Variants in AP5M1 observed in about 807,000 individuals in gnomAD.
AP5M1 encodes the protein adaptor related protein complex 5 subunit mu 1, also known as AP-5 complex subunit mu-1.
In AP5M1, 44 loss-of-function variants were observed where a neutral mutation model predicts 52.3. The ratio of observed to expected loss-of-function variants is 0.84; its 90% CI spans 0.66 to 1.08. The LOEUF (loss-of-function observed/expected upper bound fraction) is 1.08. Among genes scored for constraint, AP5M1 ranks in the 50% least tolerant of loss-of-function variants. AP5M1 has a pLI of 0.00. For synonymous variants in AP5M1, 213 were observed against 199.0 expected, an observed-to-expected ratio of 1.07 and a Z score of -0.59; for missense variants, 526 against 568.4, an observed-to-expected ratio of 0.93 and a Z score of 0.76.
rs1885438238 is a variant in AP5M1 at position 57,291,665 on chromosome 14, A to AT, written c.*2788dup. On this transcript the variant is annotated 3_prime_UTR_variant, in exon 8 of 8. Transcript: ENST00000261558. ...TAGTCTGTCCCATAAAATCGTTTTC[A>AT]TTTTTTTCACACCAATTCAGTATTT... 6.6e-6 allele frequency: 1 copy of AT among 151,586 alleles called. No individual in the cohort carries two copies. Among genetic ancestry groups the AT allele is most frequent in the African/African-American group, 2.4e-5 (1 of 41,298 alleles). 9.4% of individuals were successfully genotyped at this position (151,586 alleles called of 1,614,324 possible).
Position 57,280,396 on chromosome 14 carries a change from T to C in AP5M1, c.922T>C (p.Phe308Leu), listed in dbSNP as rs151033882. ...KFPFTPPLES[F>L]NLCFYTSQVP... ...TCCATTCACTCCACCTTTAGAGTCATTCAACTTATGCTTCTACACTTCCCA... is the reference window on the plus strand; with the variant it reads ...TCCATTCACTCCACCTTTAGAGTCACTCAACTTATGCTTCTACACTTCCCA... The change falls in exon 3 of 8, where the codon TTC (phenylalanine) becomes CTC (leucine). Residue 308 changes from phenylalanine (F) to leucine (L), a missense_variant. Phe to Leu is a conservative substitution (Grantham distance 22, BLOSUM62 0). This residue lies in a region of AP5M1 where 425 missense variants were observed against 430.6 expected (regional missense o/e 0.99). Coordinates refer to ENST00000261558, the MANE Select transcript of AP5M1 (RefSeq NM_018229.4). 1.8e-5 allele frequency: 29 copies of C among 1,613,034 alleles called. No homozygotes were observed. The highest frequency in any genetic ancestry group is 5.0e-5 in the Admixed American group (3 of 60,034).
Position 57,274,257 on chromosome 14 carries a change from G to A in AP5M1, c.88G>A (p.Val30Ile), listed in dbSNP as rs754902688. The A allele has an allele frequency of 5.0e-6, 8 of 1,609,964 alleles. No individual in the cohort carries two copies. The South Asian group carries it at 7.7e-5, about 16-fold the overall frequency. The change falls in exon 2 of 8, where the codon GTT becomes ATT. Residue 30 changes from valine (V) to isoleucine (I), a missense_variant. Coordinates refer to ENST00000261558, the MANE Select transcript of AP5M1 (RefSeq NM_018229.4). ...TCCGTAATGCAGACGGTATCCAACT[G>A]TTGAAAAACGAGCCAGAGTCTTCAA... is the stretch of plus-strand genomic sequence containing the variant. ...TVRFSRRYPT[V>I]EKRARVFNGA... is the part of the protein sequence containing the mutation.
At position 57,292,130 on chromosome 14, in the gene AP5M1, G is replaced by A. The variant is rs572444586; in HGVS notation, c.*3246G>A. ...TATCAGATTAGAAACCATTGTACCA[G>A]GCTGCTGAAAGGAAAAGGAGGCAAA... is the stretch of plus-strand genomic sequence containing the variant. On this transcript the variant is annotated 3_prime_UTR_variant, in exon 8 of 8. Transcript: ENST00000261558. The A allele has an allele frequency of 2.0e-5, 3 of 151,916 alleles. No homozygotes were observed. The highest frequency in any genetic ancestry group is 6.6e-5 in the Admixed American group (1 of 15,222). 9.4% of individuals were successfully genotyped at this position (151,916 alleles called of 1,614,324 possible). A position where few individuals can be genotyped will look rare whatever the true frequency, so the allele number is the denominator to read the frequency against.
rs2092675268 is a variant in AP5M1 at position 57,282,978 on chromosome 14, T to G, written c.1133T>G (p.Leu378Arg). 6.2e-7 allele frequency: 1 copy of G among 1,601,828 alleles called. No individual in the cohort carries two copies. The highest frequency in any genetic ancestry group is 8.5e-7 in the Non-Finnish European group (1 of 1,173,074). ...HLEYKTSFGQ[L>R]EVFREKSLLI... ...GAATACAAAACTAGTTTTGGCCAGC[T>G]TGAAGTATTTCGAGAGAAAAGCTTA... The change falls in exon 5 of 8, where the codon CTT becomes CGT. Residue 378 changes from leucine (L) to arginine (R), a missense_variant. Leu to Arg is a moderately radical substitution (Grantham distance 102, BLOSUM62 -2). Around this residue, in one of 3 missense-constraint regions of AP5M1, gnomAD observed 4 missense variants for 16.5 expected, o/e 0.24. Coordinates refer to ENST00000261558, the MANE Select transcript of AP5M1 (RefSeq NM_018229.4).
In AP5M1 at chr14:57,282,990, G is replaced by A. The variant is rs376910161; in HGVS notation, c.1145G>A (p.Arg382Gln). ...KTSFGQLEVFREKSLLIWIIG... is the reference protein window; with the variant it reads ...KTSFGQLEVFQEKSLLIWIIG... Reference sequence around the variant, plus strand: ...AGTTTTGGCCAGCTTGAAGTATTTCGAGAGAAAAGCTTATTGATCTGGATT... The same window carrying A: ...AGTTTTGGCCAGCTTGAAGTATTTCAAGAGAAAAGCTTATTGATCTGGATT... The change falls in exon 5 of 8, where the codon CGA (arginine) becomes CAA (glutamine). Residue 382 changes from arginine to glutamine, a missense_variant. Around this residue, in one of 3 missense-constraint regions of AP5M1, gnomAD observed 4 missense variants for 16.5 expected, o/e 0.24. Coordinates refer to ENST00000261558, the MANE Select transcript of AP5M1 (RefSeq NM_018229.4). The A allele has an allele frequency of 2.1e-5, 34 of 1,598,724 alleles. No individual in the cohort carries two copies. In the East Asian group the frequency reaches 2.7e-4, roughly 13 times the overall value.
At position 57,292,660 on chromosome 14, in the gene AP5M1, A is replaced by G. The variant is rs1422623638; in HGVS notation, c.*3776A>G. 1 of 151,798 alleles carries G rather than the reference A, an allele frequency of 6.6e-6. No homozygotes were observed. Among genetic ancestry groups the G allele is most frequent in the African/African-American group, 2.4e-5 (1 of 41,408 alleles). The allele number at this position is 151,798 out of a possible 1,614,324, so 9.4% of individuals were successfully genotyped here. A position where few individuals can be genotyped will look rare whatever the true frequency, so the allele number is the denominator to read the frequency against. ...CTAGTTTTGTTTCATGCACTAGGGT[A>G]TACTTAACTGGCCTTGACATAACCA... On this transcript the variant is annotated 3_prime_UTR_variant, in exon 8 of 8. Coordinates refer to ENST00000261558, the MANE Select transcript of AP5M1 (RefSeq NM_018229.4).
rs1485777337 is a variant in AP5M1, at chr14:57,292,183, C to CTT, written c.*3302_*3303dup. ...GCTAAACATGGGATGAATTCTGAAC[C>CTT]TTTTAACCTGGCTGAAGTACGTTGG... On this transcript the variant is annotated 3_prime_UTR_variant, in exon 8 of 8. Coordinates refer to ENST00000261558, the MANE Select transcript of AP5M1 (RefSeq NM_018229.4). 6.6e-6 allele frequency: 1 copy of CTT among 151,824 alleles called. No homozygotes were observed. Among genetic ancestry groups the CTT allele is most frequent in the Non-Finnish European group, 1.5e-5 (1 of 67,840 alleles). The allele number at this position is 151,824 out of a possible 1,614,324, so 9.4% of individuals were successfully genotyped here.
Position 57,269,155 on chromosome 14 carries a change from T to C in AP5M1, c.-160T>C, listed in dbSNP as rs1262090372. ...AGAGCGACTCAGAAGCGTTAGTGAC[T>C]TCACCTAAAAAAGCTAACCTCTCTG... On this transcript the variant is annotated 5_prime_UTR_variant, in exon 1 of 8. Transcript: ENST00000261558. The C allele has an allele frequency of 1.5e-6, 1 of 650,482 alleles. No individual in the cohort carries two copies. Among genetic ancestry groups the C allele is most frequent in the East Asian group, 2.7e-5 (1 of 37,410 alleles). The allele number at this position is 650,482 out of a possible 1,614,324, so 40.3% of individuals were successfully genotyped here.
In AP5M1 at chr14:57,282,128, G is replaced by C; in HGVS notation, c.988G>C (p.Glu330Gln). 1 of 1,576,110 alleles carries C rather than the reference G, an allele frequency of 6.3e-7. No homozygotes were observed. The highest frequency in any genetic ancestry group is 2.3e-5 in the East Asian group (1 of 42,938). The change falls in exon 4 of 8, where the codon GAG (glutamate) becomes CAG (glutamine). Residue 330 changes from glutamate (E) to glutamine (Q), a missense_variant. Glu to Gln is a conservative substitution (Grantham distance 29, BLOSUM62 2). This residue lies in a region of AP5M1 where 425 missense variants were observed against 430.6 expected (regional missense o/e 0.99). Coordinates refer to ENST00000261558, the MANE Select transcript of AP5M1 (RefSeq NM_018229.4). ...PPILGFYQMK[E>Q]EEVQLRITIN... The stretch of plus-strand genomic sequence containing the variant: ...AATTTTGGGTTTTTATCAAATGAAG[G>C]AGGAAGAAGTACAACTAAGAATAAC...
intron 1 of AP5M1, among the ~76,000 whole-genome samples, chr14:57,273,157 C>T (rs548218758): frequency 1.2e-4 from 19 of 152,274 alleles, no homozygotes; most frequent in South Asian, 6.2e-4. Context: ...CCAGGCTGGT[C>T]TCAAACTCCT....
chr14:57,271,742 A>C (rs1289290206), intron 1 of AP5M1, among the ~76,000 whole-genome samples: 2 of 152,218 alleles, frequency 1.3e-5, no homozygotes, highest in East Asian at 3.8e-4. Flanking sequence ...CATATTTCCC[A>C]AAAATATCTT....
intron 3 of AP5M1, 24 bp from the exon 4 acceptor site, chr14:57,282,065 A>G (rs1457071921): frequency 1.3e-6 from 2 of 1,539,302 alleles, no homozygotes; most frequent in Non-Finnish European, 8.7e-7. Context: ...TGAGAATTAT[A>G]TAGACATTTA....
chr14:57,276,609 GT>G (rs34911527), intron 2 of AP5M1, among the ~76,000 whole-genome samples: 32,637 of 128,320 alleles, frequency 0.25, 8,251 homozygotes, highest in African/African-American at 0.67. Context: ...CACCAATTCT[GT>G]TTTTTTTTTT....
intron 2 of AP5M1, among the ~76,000 whole-genome samples, chr14:57,279,795 A>G (rs1885128925): frequency 6.6e-6 from 1 of 152,240 alleles, no homozygotes; most frequent in African/African-American, 2.4e-5. Context: ...TGGAAAAAAT[A>G]TAATAAAAAT....
intron 6 of AP5M1, 86 bp from the exon 7 acceptor site, chr14:57,286,137 C>G: frequency 1.2e-6 from 1 of 860,854 alleles, no homozygotes; most frequent in Non-Finnish European, 1.9e-6. Flanking sequence ...AAATAAATTC[C>G]CTAAGACTGG....
chr14:57,272,034 T>C (rs1884907327), intron 1 of AP5M1, among the ~76,000 whole-genome samples: 1 of 152,242 alleles, frequency 6.6e-6, no homozygotes, highest in South Asian at 2.1e-4. Context: ...CTTTGTAGCT[T>C]ATCTTAATAT....
chr14:57,287,536 T>G lies in AP5M1; in HGVS notation c.1390+1217T>G, dbSNP rs146359221. Among the ~76,000 whole-genome samples, 315 of 152,234 alleles carry G rather than the reference T, an allele frequency of 2.1e-3. 2 individuals are homozygous for G. Among genetic ancestry groups the G allele is most frequent in the African/African-American group, 7.2e-3 (300 of 41,558 alleles). On this transcript the variant is annotated intron_variant, in intron 7 of 7. Coordinates refer to ENST00000261558, the MANE Select transcript of AP5M1 (RefSeq NM_018229.4). ...GATTGTCTATGGGAAAATAATTTAT[T>G]TATGTTAACTAAACATACTGCAGTA... is the stretch of plus-strand genomic sequence containing the variant.
rs1885473255 is a variant in AP5M1 at position 57,293,034 on chromosome 14, T to C, written c.*4150T>C. On this transcript the variant is annotated 3_prime_UTR_variant, in exon 8 of 8. Transcript: ENST00000261558. ...TAAATTTTTTCTGCCTGCCTTTTTC[T>C]CAGTTATCTGAGTACCTCTTCTTCC... 6.6e-6 allele frequency: 1 copy of C among 151,734 alleles called. No individual in the cohort carries two copies. Among genetic ancestry groups the C allele is most frequent in the Admixed American group, 6.6e-5 (1 of 15,172 alleles). 9.4% of individuals were successfully genotyped at this position (151,734 alleles called of 1,614,324 possible). A position where few individuals can be genotyped will look rare whatever the true frequency, so the allele number is the denominator to read the frequency against.
intron 2 of AP5M1, 181 bp downstream of exon 2, chr14:57,275,070 T>C (rs1884993068): frequency 1.5e-6 from 1 of 647,000 alleles, no homozygotes. Context: ...ATATTAGTTA[T>C]CTGTGGCTGT....
Sources: allele counts gnomAD v4.1 joint callset (sites outside exome capture counted in the v4.1 genomes callset), GRCh38; gene constraint gnomAD v4.1.1; regional missense constraint gnomAD v4.1.1; transcripts MANE v1.5; gene names NCBI Gene and HGNC (gene_info 2026-07-23, HGNC 2026-07-21).